CALCR: variants seen among roughly 807,000 people sequenced by gnomAD.
CALCR encodes the protein calcitonin receptor.
In CALCR, 47 loss-of-function variants were observed where a neutral mutation model predicts 59.5. The ratio of observed to expected loss-of-function variants is 0.79; its 90% CI spans 0.63 to 1.01. The LOEUF is 1.01. CALCR is among the 50% of genes least tolerant of loss of function. The probability of loss-of-function intolerance (pLI) is 0.00; values close to 1 mark genes in which losing one functional copy is unlikely to be tolerated. For synonymous variants in CALCR, 213 were observed against 211.3 expected, an observed-to-expected ratio of 1.01 and a Z score of -0.07; for missense variants, 566 against 597.1, an observed-to-expected ratio of 0.95 and a Z score of 0.54.
intron 3 of CALCR, among the ~76,000 whole-genome samples, chr7:93,483,440 GATA>G (rs1800848879): frequency 7.1e-6 from 1 of 140,784 alleles, no homozygotes; most frequent in Non-Finnish European, 1.5e-5. Context: ...TAGATAGATA[GATA>G]GATAGATAGA....
At chr7:93,569,364 C>T (rs1563024366) in intron 2 of CALCR, among the ~76,000 whole-genome samples, 1 of 152,166 alleles carries the variant, frequency 6.6e-6, no homozygotes, top group East Asian at 1.9e-4. Flanking sequence ...TTTAACCCTG[C>T]TGGGGCAACA....
At chr7:93,571,221 A>G (rs1042942788) in intron 2 of CALCR, among the ~76,000 whole-genome samples, 5 of 152,166 alleles carry the variant, frequency 3.3e-5, no homozygotes, top group Non-Finnish European at 5.9e-5. Flanking sequence ...TCAAGAAATG[A>G]TGCTTTTAAT....
At position 93,426,328 on chromosome 7, in the gene CALCR, T is replaced by A. The variant is rs1330192416; in HGVS notation, c.*28A>T. The A allele has an allele frequency of 1.6e-6, 2 of 1,257,246 alleles. No individual in the cohort carries two copies. Among genetic ancestry groups the A allele is most frequent in the African/African-American group, 2.9e-5 (2 of 68,038 alleles). 77.9% of individuals were successfully genotyped at this position (1,257,246 alleles called of 1,614,324 possible). A position where few individuals can be genotyped will look rare whatever the true frequency, so the allele number is the denominator to read the frequency against. On this transcript the variant is annotated 3_prime_UTR_variant, in exon 14 of 14. Transcript: ENST00000426151. Reference sequence around the variant, plus strand: ...TTTCTCCCAGGAAATGATGGCTCAGTGATCACGATGCTGTGTTTGCTTCAC... The same window carrying A: ...TTTCTCCCAGGAAATGATGGCTCAGAGATCACGATGCTGTGTTTGCTTCAC...
chr7:93,495,697 T>G (rs1413635000), intron 2 of CALCR, among the ~76,000 whole-genome samples: 5 of 151,446 alleles, frequency 3.3e-5, no homozygotes, highest in Non-Finnish European at 7.4e-5. Context: ...GGCATATCTT[T>G]TAACCACTTT....
chr7:93,568,028 A>G (rs934059717), intron 2 of CALCR, among the ~76,000 whole-genome samples: 2 of 152,210 alleles, frequency 1.3e-5, no homozygotes, highest in African/African-American at 4.8e-5. Flanking sequence ...TAAGAAAATT[A>G]TTTCAATGAA....
At chr7:93,446,114 G>A (rs1476207535) in intron 8 of CALCR, among the ~76,000 whole-genome samples, 1 of 151,884 alleles carries the variant, frequency 6.6e-6, no homozygotes, top group Non-Finnish European at 1.5e-5. Flanking sequence ...ACAATTTATA[G>A]GAAAAGACAA....
At chr7:93,461,891 C>T (rs576270871) in intron 7 of CALCR, among the ~76,000 whole-genome samples, 1 of 152,014 alleles carries the variant, frequency 6.6e-6, no homozygotes, top group African/African-American at 2.4e-5. Context: ...TTTGATAAGG[C>T]AAAAAATATT....
intron 8 of CALCR, among the ~76,000 whole-genome samples, chr7:93,454,391 G>A (rs969824687): frequency 6.6e-6 from 1 of 151,994 alleles, no homozygotes. Context: ...ATAGAAAATA[G>A]GACTCGATTG....
intron 5 of CALCR, among the ~76,000 whole-genome samples, chr7:93,474,712 T>C (rs149150761): frequency 2.5e-3 from 376 of 151,910 alleles, no homozygotes; most frequent in African/African-American, 7.1e-3. Context: ...ATAGCAAGCC[T>C]AGATTGGTAT....
chr7:93,553,894 A>G (rs867574324), intron 2 of CALCR, among the ~76,000 whole-genome samples: 2 of 152,188 alleles, frequency 1.3e-5, no homozygotes, highest in Non-Finnish European at 2.9e-5. Flanking sequence ...CTGTATTGCC[A>G]TGATAGATAT....
intron 6 of CALCR, among the ~76,000 whole-genome samples, chr7:93,470,658 T>A (rs1183494828): frequency 3.3e-5 from 5 of 151,742 alleles, no homozygotes; most frequent in Admixed American, 2.6e-4. Flanking sequence ...ACTTTTTTTT[T>A]AATGAATTCT....
At chr7:93,441,173 G>T (rs558833887) in intron 9 of CALCR, among the ~76,000 whole-genome samples, 1 of 152,052 alleles carries the variant, frequency 6.6e-6, no homozygotes, top group Non-Finnish European at 1.5e-5. Context: ...GAATGTCACC[G>T]ACAAGAATAC....
chr7:93,547,782 G>A (rs1044893145), intron 2 of CALCR, among the ~76,000 whole-genome samples: 3 of 152,126 alleles, frequency 2.0e-5, no homozygotes, highest in African/African-American at 7.2e-5. Flanking sequence ...TAACTTAATG[G>A]GCTGTTTCTG....
chr7:93,460,936 C>T lies in CALCR; in HGVS notation c.533G>A (p.Cys178Tyr). ...GTTCTTGTGCAGGGTTACCCTTTGG[C>T]AGCCAAGGCTCCTGGAAGAAAAAGT... The part of the protein sequence containing the change: ...GIFVFFRSLG[C>Y]QRVTLHKNMF... Residue 178 changes from cysteine (C) to tyrosine (Y), a missense_variant, in exon 8 of 14, where the codon TGC becomes TAC. By Grantham distance (194) the Cys-to-Tyr change is radical. Coordinates refer to ENST00000426151, the MANE Select transcript of CALCR (RefSeq NM_001742.4). 1 of 1,609,250 alleles carries T rather than the reference C, an allele frequency of 6.2e-7. No homozygotes were observed. The highest frequency in any genetic ancestry group is 8.5e-7 in the Non-Finnish European group (1 of 1,178,048).
chr7:93,539,554 A>T (rs938662218), intron 2 of CALCR, among the ~76,000 whole-genome samples: 1 of 152,066 alleles, frequency 6.6e-6, no homozygotes, highest in African/African-American at 2.4e-5. Context: ...TTCTTTGGTC[A>T]ATTACACCCA....
At chr7:93,556,858 T>C (rs573833088) in intron 2 of CALCR, among the ~76,000 whole-genome samples, 40 of 152,120 alleles carry the variant, frequency 2.6e-4, no homozygotes, top group African/African-American at 9.6e-4. Context: ...TTGCAAAGAA[T>C]ATTCTAGATG....
intron 7 of CALCR, among the ~76,000 whole-genome samples, chr7:93,465,957 A>C (rs1319651618): frequency 6.6e-6 from 1 of 151,736 alleles, no homozygotes; most frequent in Non-Finnish European, 1.5e-5. Flanking sequence ...TCATTTGAGG[A>C]GGACAGCTGC....
At chr7:93,495,793 G>A in intron 2 of CALCR, 3 of 959,688 alleles carry the variant, frequency 3.1e-6, no homozygotes, top group Non-Finnish European at 4.7e-6. Context: ...CTAAAAATCT[G>A]ATTGTTGTGG....
At chr7:93,500,518 A>T (rs1801300309) in intron 2 of CALCR, among the ~76,000 whole-genome samples, 1 of 151,928 alleles carries the variant, frequency 6.6e-6, no homozygotes, top group Non-Finnish European at 1.5e-5. Flanking sequence ...CTAGCAATAA[A>T]CCAGTCTGGG....
Sources: gnomAD v4.1 joint callset for allele counts (sites outside exome capture counted in the v4.1 genomes callset) on GRCh38, gnomAD v4.1.1 for gene constraint, MANE v1.5 for transcripts, NCBI Gene and HGNC (gene_info 2026-07-23, HGNC 2026-07-21) for gene names.